Variants in ISG15 observed in about 807,000 individuals in gnomAD.
ISG15 encodes ubiquitin-like protein ISG15.
In ISG15, 2 loss-of-function variants were observed where a neutral mutation model predicts 2.4. The observed-to-expected ratio is 0.82, with a 90% CI of 0.33 to 2.57. The LOEUF is 2.57. Ranked by LOEUF, ISG15 falls within the 30% of genes most tolerant of loss-of-function variation. The pLI, the probability that ISG15 is intolerant of heterozygous loss-of-function variation, is 0.11. For missense variants in ISG15, 224 were observed against 228.4 expected (o/e 0.98, Z 0.13); for synonymous variants, 116 against 108.1 (o/e 1.07, Z -0.45).
At chr1:1,013,839 C>T in intron 1 of ISG15, 145 bp from the exon 2 acceptor site, 1 of 1,187,602 alleles carries the variant, frequency 8.4e-7, no homozygotes, top group South Asian at 1.5e-5. Flanking sequence ...GCCTTCTGTG[C>T]CTGGGGTCCC....
chr1:1,013,909 C>G (rs893249774), intron 1 of ISG15, 75 bp from the exon 2 acceptor site: 12 of 1,517,222 alleles, frequency 7.9e-6, no homozygotes, highest in African/African-American at 5.5e-5. Context: ...CAGGAGCTCG[C>G]CCTGCAGCCA....
chr1:1,014,530 G>A lies in ISG15; in HGVS notation c.*52G>A. 1 of 1,541,350 alleles carries A rather than the reference G, an allele frequency of 6.5e-7. No homozygotes were observed. The highest frequency in any genetic ancestry group is 8.7e-7 in the Non-Finnish European group (1 of 1,147,134). ...TCAAGGGCCGGAAATAAAGGCTGTTGTAAAGAGAAATGGCCGCCTCTGTGT... is the reference window on the plus strand; with the variant it reads ...TCAAGGGCCGGAAATAAAGGCTGTTATAAAGAGAAATGGCCGCCTCTGTGT... On this transcript the variant is annotated 3_prime_UTR_variant, in exon 2 of 2. Coordinates refer to ENST00000649529, the MANE Select transcript of ISG15 (RefSeq NM_005101.4).
intron 1 of ISG15, 145 bp from the exon 2 acceptor site, chr1:1,013,839 C>G: frequency 1.7e-6 from 2 of 1,187,602 alleles, no homozygotes; most frequent in South Asian, 3.0e-5. Context: ...GCCTTCTGTG[C>G]CTGGGGTCCC....
chr1:1,013,657 A>G, intron 1 of ISG15, 81 bp downstream of exon 1: 1 of 1,459,924 alleles, frequency 6.8e-7, no homozygotes, highest in Non-Finnish European at 9.6e-7. Flanking sequence ...AAGGTCTCCC[A>G]GGGGTGCAGG....
rs559910646 is a variant in ISG15, at chr1:1,014,172, C to G, written c.192C>G (p.Gly64=). The change falls in exon 2 of 2, where the codon GGC becomes GGG. Residue 64 remains glycine (G), a synonymous_variant. Transcript: ENST00000649529. ...LQDRVPLASQ[G]LGPGSTVLLV... is the part of the protein sequence containing the mutation. ...ACAGGGTCCCCCTTGCCAGCCAGGG[C>G]CTGGGCCCCGGCAGCACGGTCCTGC... 6.2e-7 allele frequency: 1 copy of G among 1,612,912 alleles called. No homozygotes were observed. The highest frequency in any genetic ancestry group is 2.2e-5 in the East Asian group (1 of 44,860).
rs140447219 is a variant in ISG15, at chr1:1,014,471, G to A, written c.491G>A (p.Arg164Gln). 26 of 1,600,870 alleles carry A rather than the reference G, an allele frequency of 1.6e-5. No individual in the cohort carries two copies. The highest frequency in any genetic ancestry group is 2.2e-5 in the South Asian group (2 of 90,546). The change falls in exon 2 of 2, where the codon CGG (arginine) becomes CAG (glutamine). Residue 164 changes from arginine (R) to glutamine (Q), a missense_variant. By Grantham distance (43) the Arg-to-Gln change is conservative. Coordinates refer to ENST00000649529, the MANE Select transcript of ISG15 (RefSeq NM_005101.4). ...GGAGGCGGCACAGAGCCTGGCGGGCGGAGCTAAGGGCCTCCACCAGCATCC... is the reference window on the plus strand; with the variant it reads ...GGAGGCGGCACAGAGCCTGGCGGGCAGAGCTAAGGGCCTCCACCAGCATCC... ...LRGGGTEPGG[R>Q]S
Position 1,013,882 on chromosome 1 carries a change from A to C in ISG15, c.4-102A>C, listed in dbSNP as rs1028360995. On this transcript the variant is annotated intron_variant, in intron 1 of 1. Coordinates refer to ENST00000649529, the MANE Select transcript of ISG15 (RefSeq NM_005101.4). ...GGGATGTAGAGGACAGACAGGAGGG[A>C]GCACTGTCCCTGGGTACAGGAGCTC... 6.2e-5 allele frequency: 88 copies of C among 1,426,232 alleles called. 1 individual carries two copies. In the Admixed American group the frequency reaches 1.6e-3, roughly 26 times the overall value. The allele number at this position is 1,426,232 out of a possible 1,614,324, so 88.3% of individuals were successfully genotyped here. A position where few individuals can be genotyped will look rare whatever the true frequency, so the allele number is the denominator to read the frequency against.
Position 1,014,433 on chromosome 1 carries a change from T to C in ISG15, c.453T>C (p.Asn151=), listed in dbSNP as rs774241776. 4 of 1,610,846 alleles carry C rather than the reference T, an allele frequency of 2.5e-6. No individual in the cohort carries two copies. The Admixed American group carries it at 6.7e-5, about 27-fold the overall frequency. The change falls in exon 2 of 2, where the codon AAT becomes AAC. Residue 151 remains asparagine (N), a synonymous_variant. Coordinates refer to ENST00000649529, the MANE Select transcript of ISG15 (RefSeq NM_005101.4). ...GLKPLSTVFM[N]LRLRGGGTEP... ...AGCCCCTGAGCACCGTGTTCATGAA[T>C]CTGCGCCTGCGGGGAGGCGGCACAG... is the stretch of plus-strand genomic sequence containing the variant.
In ISG15 at chr1:1,014,450, GC is replaced by G. The variant is rs778272066; in HGVS notation, c.471del (p.Gly158AlafsTer23). On this transcript the variant is annotated frameshift_variant, in exon 2 of 2. Transcript: ENST00000649529. LOFTEE classifies it low-confidence loss of function (END_TRUNC). The part of the protein sequence containing the change: ...TVFMNLRLRG[G>X]GTEPGGRS ...TTCATGAATCTGCGCCTGCGGGGAG[GC>G]GGCACAGAGCCTGGCGGGCGGAGCT... The G allele has an allele frequency of 1.2e-6, 2 of 1,607,920 alleles. No homozygotes were observed. The highest frequency in any genetic ancestry group is 2.2e-5 in the South Asian group (2 of 90,986).
At position 1,013,503 on chromosome 1, in the gene ISG15, T is replaced by G; in HGVS notation, c.-71T>G. ...GGTGCTGCCTGCCGAAGCCGGCGGC[T>G]GAGAGGCAGCGAACTCATCTTTGCC... On this transcript the variant is annotated 5_prime_UTR_variant, in exon 1 of 2. Coordinates refer to ENST00000649529, the MANE Select transcript of ISG15 (RefSeq NM_005101.4). 2.0e-6 allele frequency: 3 copies of G among 1,527,584 alleles called. No individual in the cohort carries two copies. Among genetic ancestry groups the G allele is most frequent in the African/African-American group, 1.4e-5 (1 of 73,772 alleles). 94.6% of individuals were successfully genotyped at this position (1,527,584 alleles called of 1,614,324 possible).
chr1:1,013,908 G>A (rs368855741), intron 1 of ISG15, 76 bp from the exon 2 acceptor site: 34 of 1,515,098 alleles, frequency 2.2e-5, no homozygotes, highest in African/African-American at 2.8e-5. Context: ...ACAGGAGCTC[G>A]CCCTGCAGCC....
Position 1,013,673 on chromosome 1 carries a change from C to G in ISG15, c.3+97C>G, listed in dbSNP as rs28491407. On this transcript the variant is annotated intron_variant, in intron 1 of 1. Transcript: ENST00000649529. ...AGGTCTCCCAGGGGTGCAGGGAGAGCGGAGCTGCTCAGAGCTTGGCCAGGT... is the reference window on the plus strand; with the variant it reads ...AGGTCTCCCAGGGGTGCAGGGAGAGGGGAGCTGCTCAGAGCTTGGCCAGGT... The G allele has an allele frequency of 7.0e-3, 9,587 of 1,367,428 alleles. 503 individuals carry two copies. The African/African-American group carries it at 0.11, about 16-fold the overall frequency. The allele number at this position is 1,367,428 out of a possible 1,614,324, so 84.7% of individuals were successfully genotyped here.
chr1:1,013,958 T>A, intron 1 of ISG15, 26 bp from the exon 2 acceptor site: 1 of 1,563,626 alleles, frequency 6.4e-7, no homozygotes, highest in Non-Finnish European at 8.7e-7. Flanking sequence ...GGCGCCGCAG[T>A]CTCTGAACCT....
intron 1 of ISG15, 103 bp from the exon 2 acceptor site, chr1:1,013,881 G>A: frequency 7.0e-7 from 1 of 1,430,092 alleles, no homozygotes; most frequent in East Asian, 2.3e-5. Context: ...AGACAGGAGG[G>A]AGCACTGTCC....
At position 1,014,122 on chromosome 1, in the gene ISG15, C is replaced by T. The variant is rs150861311; in HGVS notation, c.142C>T (p.His48Tyr). The change falls in exon 2 of 2, where the codon CAC (histidine) becomes TAC (tyrosine). Residue 48 changes from histidine to tyrosine, a missense_variant. By Grantham distance (83) the His-to-Tyr change is moderately conservative (BLOSUM62 2). Coordinates refer to ENST00000649529, the MANE Select transcript of ISG15 (RefSeq NM_005101.4). ...CGCCTTCCAGCAGCGTCTGGCTGTC[C>T]ACCCGAGCGGTGTGGCGCTGCAGGA... ...VHAFQQRLAV[H>Y]PSGVALQDRV... 390 of 1,613,102 alleles carry T rather than the reference C, an allele frequency of 2.4e-4. 1 individual carries two copies. Among genetic ancestry groups the T allele is most frequent in the Non-Finnish European group, 2.7e-4 (315 of 1,179,750 alleles).
chr1:1,013,570 A>G lies in ISG15; in HGVS notation c.-4A>G. On this transcript the variant is annotated 5_prime_UTR_variant, in exon 1 of 2. Coordinates refer to ENST00000649529, the MANE Select transcript of ISG15 (RefSeq NM_005101.4). Reference sequence around the variant, plus strand: ...CCGTGGCCCACAGCCCACAGCCCACAGCCATGGTAAGGCAGATGTCACAGG... The same window carrying G: ...CCGTGGCCCACAGCCCACAGCCCACGGCCATGGTAAGGCAGATGTCACAGG... 1 of 1,613,500 alleles carries G rather than the reference A, an allele frequency of 6.2e-7. No individual in the cohort carries two copies. Among genetic ancestry groups the G allele is most frequent in the Non-Finnish European group, 8.5e-7 (1 of 1,179,880 alleles).
Position 1,014,433 on chromosome 1 carries a change from T to G in ISG15, c.453T>G (p.Asn151Lys), listed in dbSNP as rs774241776. 1.9e-6 allele frequency: 3 copies of G among 1,610,846 alleles called. No homozygotes were observed. The highest frequency in any genetic ancestry group is 2.5e-6 in the Non-Finnish European group (3 of 1,178,188). Reference sequence around the variant, plus strand: ...AGCCCCTGAGCACCGTGTTCATGAATCTGCGCCTGCGGGGAGGCGGCACAG... The same window carrying G: ...AGCCCCTGAGCACCGTGTTCATGAAGCTGCGCCTGCGGGGAGGCGGCACAG... ...GLKPLSTVFM[N>K]LRLRGGGTEP... Residue 151 changes from asparagine (N) to lysine (K), a missense_variant, in exon 2 of 2, where the codon AAT becomes AAG. Asn to Lys is a moderately conservative substitution (Grantham distance 94, BLOSUM62 0). Transcript: ENST00000649529.
intron 1 of ISG15, 127 bp from the exon 2 acceptor site, chr1:1,013,857 G>GAT: frequency 7.6e-7 from 1 of 1,307,978 alleles, no homozygotes; most frequent in South Asian, 1.4e-5. Context: ...CCCTGCCGGC[G>GAT]GGATGTAGAG....
intron 1 of ISG15, 146 bp downstream of exon 1, chr1:1,013,722 G>A: frequency 9.7e-7 from 1 of 1,035,882 alleles, no homozygotes; most frequent in Non-Finnish European, 1.4e-6. Context: ...CTGAAAGCAG[G>A]TCACCCCTGA....
Sources: gnomAD v4.1 joint callset for allele counts on GRCh38, gnomAD v4.1.1 for gene constraint, MANE v1.5 for transcripts, NCBI Gene and HGNC (gene_info 2026-07-23, HGNC 2026-07-21) for gene names.